Variants in RABL3 observed in about 807,000 individuals in gnomAD.
RABL3 encodes RAB, member of RAS oncogene family like 3, also known as rab-like protein 3.
In RABL3, 31 loss-of-function variants were observed where a neutral mutation model predicts 31.8. The ratio of observed to expected loss-of-function variants is 0.97; its 90% CI spans 0.73 to 1.31. RABL3 has a LOEUF of 1.31. RABL3 is among the 40% of genes most tolerant of loss of function. RABL3 has a pLI of 0.00. For missense variants in RABL3, 263 were observed against 279.6 expected (o/e 0.94, Z 0.42); for synonymous variants, 97 against 99.9 (o/e 0.97, Z 0.18).
rs1214966145 is a variant in RABL3, at chr3:120,706,124, T to G, written c.269-10A>C. 1 of 1,523,360 alleles carries G rather than the reference T, an allele frequency of 6.6e-7. No homozygotes were observed. The highest frequency in any genetic ancestry group is 1.4e-5 in the African/African-American group (1 of 73,044). 94.4% of individuals were successfully genotyped at this position (1,523,360 alleles called of 1,614,324 possible). On this transcript the variant is annotated splice_polypyrimidine_tract_variant and intron_variant, in intron 3 of 7. Transcript: ENST00000273375. ...TGTACGAAAATAATACCTAAAATAA[T>G]CAGAGAAAACAATGTTAATCCCTTA... is the stretch of plus-strand genomic sequence containing the variant.
In RABL3 at chr3:120,688,421, C is replaced by T. The variant is rs149308077; in HGVS notation, c.*1402G>A. On this transcript the variant is annotated 3_prime_UTR_variant, in exon 8 of 8. Coordinates refer to ENST00000273375, the MANE Select transcript of RABL3 (RefSeq NM_173825.5). ...AGCTGATGAAAGCTGCTTTAAAAAT[C>T]CTTTTCCAAATTCCCAAGACTGCCT... 4 of 152,672 alleles carry T rather than the reference C, an allele frequency of 2.6e-5. No homozygotes were observed. Among genetic ancestry groups the T allele is most frequent in the East Asian group, 1.9e-4 (1 of 5,178 alleles). The allele number at this position is 152,672 out of a possible 1,614,324, so 9.5% of individuals were successfully genotyped here.
chr3:120,724,926 C>T (rs1189744431), intron 2 of RABL3, among the ~76,000 whole-genome samples: 2 of 152,066 alleles, frequency 1.3e-5, no homozygotes, highest in African/African-American at 4.8e-5. Flanking sequence ...AAGGCAATGG[C>T]AACAAAAGCC....
At chr3:120,732,718 C>G (rs1419618857) in intron 1 of RABL3, among the ~76,000 whole-genome samples, 1 of 139,296 alleles carries the variant, frequency 7.2e-6, no homozygotes, top group Non-Finnish European at 1.5e-5. Context: ...CCCCCCTCCC[C>G]CTACCCCACA....
At chr3:120,733,067 G>C (rs981808409) in intron 1 of RABL3, among the ~76,000 whole-genome samples, 3 of 151,984 alleles carry the variant, frequency 2.0e-5, no homozygotes, top group African/African-American at 7.2e-5. Context: ...TAGTCCTTTG[G>C]GTATATACCC....
chr3:120,717,877 A>C (rs771744410), intron 2 of RABL3, among the ~76,000 whole-genome samples: 34 of 152,182 alleles, frequency 2.2e-4, no homozygotes, highest in Non-Finnish European at 4.9e-4. Flanking sequence ...GGGACTTTGC[A>C]CAAAAGCATT....
At chr3:120,700,592 T>C (rs1324771039) in intron 4 of RABL3, among the ~76,000 whole-genome samples, 6 of 152,064 alleles carry the variant, frequency 3.9e-5, no homozygotes, top group African/African-American at 1.4e-4. Flanking sequence ...TTGGGGAAAT[T>C]AAAATAATAT....
intron 2 of RABL3, among the ~76,000 whole-genome samples, chr3:120,723,319 CA>C (rs1303594528): frequency 1.3e-5 from 2 of 151,952 alleles, no homozygotes; most frequent in Admixed American, 1.3e-4. Flanking sequence ...GCTTACCAAG[CA>C]AAAAAAGTCC....
At chr3:120,722,435 C>G (rs549268572) in intron 2 of RABL3, 3 of 152,176 alleles carry the variant, frequency 2.0e-5, no homozygotes, top group Non-Finnish European at 4.4e-5. Flanking sequence ...AGTTAAGTTA[C>G]AGGTTAAGTC....
intron 2 of RABL3, among the ~76,000 whole-genome samples, chr3:120,714,799 C>T (rs1230001375): frequency 6.6e-6 from 1 of 152,068 alleles, no homozygotes; most frequent in Non-Finnish European, 1.5e-5. Context: ...TTGCTCTTGT[C>T]GTTCATTTTG....
chr3:120,691,226 A>C (rs1708376540), intron 6 of RABL3, among the ~76,000 whole-genome samples: 1 of 152,230 alleles, frequency 6.6e-6, no homozygotes, highest in Admixed American at 6.5e-5. Context: ...TGTAAACCCT[A>C]AAGAGCACCA....
chr3:120,703,407 C>T (rs1708515213), intron 4 of RABL3, among the ~76,000 whole-genome samples: 1 of 152,004 alleles, frequency 6.6e-6, no homozygotes, highest in Non-Finnish European at 1.5e-5. Context: ...AAAAGTAATA[C>T]ATTTAAACAT....
At chr3:120,699,556 A>G (rs1334046528) in intron 4 of RABL3, among the ~76,000 whole-genome samples, 7 of 152,184 alleles carry the variant, frequency 4.6e-5, no homozygotes, top group Admixed American at 2.6e-4. Flanking sequence ...GGTTGTGCAC[A>G]ATTTATGACA....
intron 3 of RABL3, among the ~76,000 whole-genome samples, chr3:120,708,577 T>A (rs182495359): frequency 8.5e-5 from 13 of 152,204 alleles, no homozygotes; most frequent in Admixed American, 8.5e-4. Flanking sequence ...TACAAGTTGA[T>A]CACTCTAGTA....
intron 2 of RABL3, among the ~76,000 whole-genome samples, chr3:120,725,446 C>T (rs145698789): frequency 1.3e-5 from 2 of 152,026 alleles, no homozygotes; most frequent in South Asian, 2.1e-4. Flanking sequence ...CCCATTACTG[C>T]GTATATACCC....
intron 3 of RABL3, among the ~76,000 whole-genome samples, chr3:120,706,729 C>T (rs1470526054): frequency 6.6e-6 from 1 of 151,826 alleles, no homozygotes; most frequent in African/African-American, 2.4e-5. Flanking sequence ...AGCTTCCTAC[C>T]TGTAAGAGAT....
In RABL3 at chr3:120,715,670, CAATTTA is replaced by C. The variant is rs974771020; in HGVS notation, c.139-5767_139-5762del. ...GAGGAGCTAGATTTTTAATTTTAAT[CAATTTA>C]AATTTAAATTTAAATTGCCACATGA... On this transcript the variant is annotated intron_variant, in intron 2 of 7. Transcript: ENST00000273375. 5.3e-5 allele frequency among the ~76,000 whole-genome samples: 8 copies of C among 151,906 alleles called. No homozygotes were observed. The South Asian group carries it at 6.2e-4, about 12-fold the overall frequency.
chr3:120,698,339 TC>T (rs1325891907), intron 5 of RABL3, 83 bp downstream of exon 5: 1 of 1,287,460 alleles, frequency 7.8e-7, no homozygotes, highest in Non-Finnish European at 1.1e-6. Context: ...AAAGCTTCTT[TC>T]ACTAGAATAT....
intron 2 of RABL3, among the ~76,000 whole-genome samples, chr3:120,714,412 A>G (rs1297568465): frequency 6.6e-6 from 1 of 152,182 alleles, no homozygotes; most frequent in Non-Finnish European, 1.5e-5. Context: ...TAACATATGT[A>G]TTGAAGGAAG....
intron 6 of RABL3, among the ~76,000 whole-genome samples, chr3:120,692,173 T>G (rs1032363052): frequency 6.6e-6 from 1 of 151,794 alleles, no homozygotes; most frequent in Non-Finnish European, 1.5e-5. Flanking sequence ...GGAGAAGGAG[T>G]TAGACTTCCT....
Sources: allele counts gnomAD v4.1 joint callset (sites outside exome capture counted in the v4.1 genomes callset), GRCh38; gene constraint gnomAD v4.1.1; transcripts MANE v1.5; gene names NCBI Gene and HGNC (gene_info 2026-07-23, HGNC 2026-07-21).